PTPRT: variants seen among roughly 807,000 people sequenced by gnomAD.
PTPRT encodes receptor-type tyrosine-protein phosphatase T.
Under a neutral mutation model 176.8 loss-of-function variants are expected in PTPRT, and 56 were observed. The ratio of observed to expected loss-of-function variants is 0.32; its 90% CI spans 0.26 to 0.40. The LOEUF (loss-of-function observed/expected upper bound fraction) is 0.40. Ranked by LOEUF, PTPRT falls within the 10% of genes least tolerant of loss-of-function variation. The pLI, the probability that PTPRT is intolerant of heterozygous loss-of-function variation, is 1.00. For missense variants in PTPRT, 1,540 were observed against 1,908.2 expected (o/e 0.81, Z 3.60); for synonymous variants, 783 against 739.0 (o/e 1.06, Z -0.96).
intron 1 of PTPRT, among the ~76,000 whole-genome samples, chr20:43,139,373 A>G (rs2013932471): frequency 6.6e-6 from 1 of 151,810 alleles, no homozygotes; most frequent in Non-Finnish European, 1.5e-5. Flanking sequence ...GGTCAGTTTG[A>G]TTTTTCCTGA....
chr20:43,143,625 G>A (rs1283377138), intron 1 of PTPRT, among the ~76,000 whole-genome samples: 1 of 152,188 alleles, frequency 6.6e-6, no homozygotes, highest in East Asian at 1.9e-4. Flanking sequence ...AGAAAGAGCT[G>A]TGTTTGTCCA....
intron 7 of PTPRT, among the ~76,000 whole-genome samples, chr20:42,625,178 A>G (rs543020699): frequency 5.8e-4 from 89 of 152,152 alleles, no homozygotes; most frequent in African/African-American, 2.1e-3. Context: ...TGGGTTCTGG[A>G]GCTGAAAGTC....
intron 1 of PTPRT, among the ~76,000 whole-genome samples, chr20:43,032,714 A>C (rs899071258): frequency 1.3e-5 from 2 of 152,106 alleles, no homozygotes; most frequent in African/African-American, 2.4e-5. Context: ...GCATGTCATT[A>C]CTGCATATCC....
At chr20:43,056,543 C>T (rs1282604825) in intron 1 of PTPRT, among the ~76,000 whole-genome samples, 2 of 152,206 alleles carry the variant, frequency 1.3e-5, no homozygotes, top group Non-Finnish European at 2.9e-5. Context: ...GAGGCATACA[C>T]ACACGGTCTG....
intron 2 of PTPRT, among the ~76,000 whole-genome samples, chr20:42,883,758 ACATGCACACACAC>A (rs2079051670): frequency 0.031 from 27 of 882 alleles, no homozygotes; most frequent in South Asian, 0.088. Context: ...ATACCCATAC[ACATGCACACACAC>A]CCTCCATAAA....
rs2056150855 is a variant in PTPRT at position 42,232,343 on chromosome 20, A to G, written c.2342+3886T>C. Among the ~76,000 whole-genome samples, 3 of 152,314 alleles carry G rather than the reference A, an allele frequency of 2.0e-5. No homozygotes were observed. The South Asian group carries it at 6.2e-4, about 32-fold the overall frequency. On this transcript the variant is annotated intron_variant, in intron 15 of 30. Transcript: ENST00000373187. ...TTATAGATAAGACAACTGAGACTCC[A>G]GTTAAGTCAGTGATTCTCTAACATG... is the stretch of plus-strand genomic sequence containing the variant.
chr20:42,515,554 A>G (rs888169483), intron 7 of PTPRT, among the ~76,000 whole-genome samples: 3 of 152,334 alleles, frequency 2.0e-5, no homozygotes, highest in South Asian at 2.1e-4. Context: ...TATACTTATT[A>G]TCATTTTTAA....
chr20:42,864,746 G>T (rs2078717397), intron 2 of PTPRT, among the ~76,000 whole-genome samples: 1 of 152,118 alleles, frequency 6.6e-6, no homozygotes, highest in Non-Finnish European at 1.5e-5. Context: ...AAAGACCAAG[G>T]TTATCAAAGT....
chr20:43,121,833 C>A (rs1380320037), intron 1 of PTPRT, among the ~76,000 whole-genome samples: 1 of 152,116 alleles, frequency 6.6e-6, no homozygotes, highest in African/African-American at 2.4e-5. Context: ...ATAATGCCAT[C>A]CATAGAGAAG....
In PTPRT at chr20:42,206,890, C is replaced by T. The variant is rs529374148; in HGVS notation, c.2343-7502G>A. Among the ~76,000 whole-genome samples the T allele has an allele frequency of 1.8e-4, 27 of 152,330 alleles. No individual in the cohort carries two copies. In the South Asian group the frequency reaches 2.3e-3, roughly 13 times the overall value. ...GTAACCTCTGCAGACTTAAATGTCC[C>T]TGTCTGACAGCTTTGAAGAGAGCAG... is the stretch of plus-strand genomic sequence containing the variant. On this transcript the variant is annotated intron_variant, in intron 15 of 30. Coordinates refer to ENST00000373187, the MANE Select transcript of PTPRT (RefSeq NM_007050.6).
chr20:43,184,988 C>G (rs1034057326), intron 1 of PTPRT, among the ~76,000 whole-genome samples: 4 of 152,198 alleles, frequency 2.6e-5, no homozygotes, highest in Non-Finnish European at 4.4e-5. Flanking sequence ...CCCTAACCCA[C>G]CTGGACACAC....
intron 2 of PTPRT, among the ~76,000 whole-genome samples, chr20:42,842,015 T>G (rs942742885): frequency 6.0e-5 from 9 of 150,336 alleles, no homozygotes; most frequent in Non-Finnish European, 1.0e-4. Context: ...ACCACGTTCA[T>G]TCTAATCATC....
At chr20:43,044,599 T>C (rs558049737) in intron 1 of PTPRT, among the ~76,000 whole-genome samples, 125 of 152,290 alleles carry the variant, frequency 8.2e-4, no homozygotes, top group African/African-American at 3.0e-3. Flanking sequence ...CCCTGCCGCA[T>C]GCCCTTGTTA....
chr20:42,339,590 C>A (rs2058085110), intron 11 of PTPRT, among the ~76,000 whole-genome samples: 1 of 152,170 alleles, frequency 6.6e-6, no homozygotes, highest in South Asian at 2.1e-4. Context: ...ATACCTGAGG[C>A]CACCCATAGG....
chr20:42,189,776 G>A (rs938666438), intron 16 of PTPRT, among the ~76,000 whole-genome samples: 10 of 152,164 alleles, frequency 6.6e-5, no homozygotes, highest in African/African-American at 1.9e-4. Context: ...AAAACTCTCT[G>A]CAACTCAAAT....
intron 6 of PTPRT, among the ~76,000 whole-genome samples, chr20:42,701,282 T>C (rs967186745): frequency 1.3e-5 from 2 of 152,174 alleles, no homozygotes; most frequent in African/African-American, 4.8e-5. Flanking sequence ...CAAGGTAAGT[T>C]ATCCAAACCA....
intron 7 of PTPRT, among the ~76,000 whole-genome samples, chr20:42,572,959 G>A (rs2073185202): frequency 1.8e-5 from 2 of 110,496 alleles, no homozygotes; most frequent in African/African-American, 7.4e-5. Context: ...ACAATTGATA[G>A]CCTTTTTTTT....
At chr20:43,071,615 G>A (rs543151415) in intron 1 of PTPRT, among the ~76,000 whole-genome samples, 49 of 151,908 alleles carry the variant, frequency 3.2e-4, no homozygotes, top group African/African-American at 9.2e-4. Context: ...GAGAAACCCC[G>A]TCTCTACTAA....
chr20:43,148,393 C>T (rs538742023), intron 1 of PTPRT, among the ~76,000 whole-genome samples: 439 of 152,246 alleles, frequency 2.9e-3, no homozygotes, highest in African/African-American at 0.01. Flanking sequence ...GACCCCTCTT[C>T]TTCAGACTCC....
Sources: gnomAD v4.1 joint callset for allele counts (sites outside exome capture counted in the v4.1 genomes callset) on GRCh38, gnomAD v4.1.1 for gene constraint, MANE v1.5 for transcripts, NCBI Gene and HGNC (gene_info 2026-07-23, HGNC 2026-07-21) for gene names.